Variants in FER1L5 observed in about 807,000 individuals in gnomAD.
The protein encoded by FER1L5 is fer-1 like family member 5, also known as fer-1-like protein 5.
In FER1L5, 187 loss-of-function variants were observed where a neutral mutation model predicts 279.9. The ratio of observed to expected loss-of-function variants is 0.67; its 90% CI spans 0.59 to 0.75. The LOEUF (loss-of-function observed/expected upper bound fraction) is 0.75. Ranked by LOEUF, FER1L5 falls within the 30% of genes least tolerant of loss-of-function variation. FER1L5 has a pLI of 0.00. For missense variants in FER1L5, 2,091 were observed against 2,594.4 expected (o/e 0.81, Z 4.21); for synonymous variants, 921 against 989.7 (o/e 0.93, Z 1.30).
rs1298288403 is a variant in FER1L5 at position 96,702,348 on chromosome 2, C to G, written c.5202C>G (p.Asp1734Glu). ...TCATCTGGAAGACTGCCAATGTGGACCTGGTGGATGACAATTTAAGTAGAG... is the reference window on the plus strand; with the variant it reads ...TCATCTGGAAGACTGCCAATGTGGAGCTGGTGGATGACAATTTAAGTAGAG... The part of the protein sequence containing the change: ...RCIIWKTANV[D>E]LVDDNLSREK... Residue 1734 changes from aspartate to glutamate, a missense_variant, in exon 47 of 53, where the codon GAC becomes GAG. By Grantham distance (45) the Asp-to-Glu change is conservative. Transcript: ENST00000624922. The surrounding 1 kb of genome is among the most constrained non-coding windows in gnomAD (Gnocchi z 4.0). 6.2e-7 allele frequency: 1 copy of G among 1,613,150 alleles called. No individual in the cohort carries two copies. Among genetic ancestry groups the G allele is most frequent in the Admixed American group, 1.7e-5 (1 of 59,928 alleles).
intron 7 of FER1L5, 183 bp from the exon 8 acceptor site, chr2:96,653,457 G>T (rs994082283): frequency 1.0e-5 from 6 of 601,046 alleles, no homozygotes; most frequent in African/African-American, 1.9e-5. Context: ...GAAAGTTTCA[G>T]ATTTTGGAGC....
chr2:96,669,928 A>G (rs1283023558), intron 17 of FER1L5, among the ~76,000 whole-genome samples, 191 bp from the exon 18 acceptor site: 1 of 152,140 alleles, frequency 6.6e-6, no homozygotes, highest in Admixed American at 6.5e-5. Context: ...CCCAGGGTGC[A>G]GAAGAGGGCT....
At chr2:96,672,844 G>A (rs1558877315) in intron 18 of FER1L5, among the ~76,000 whole-genome samples, 1 of 152,166 alleles carries the variant, frequency 6.6e-6, no homozygotes, top group South Asian at 2.1e-4. Flanking sequence ...CCAGCCACCT[G>A]ATTTCAGGAA....
At chr2:96,646,306 G>C (rs1439143021) in intron 1 of FER1L5, 95 bp from the exon 2 acceptor site, 1 of 1,401,514 alleles carries the variant, frequency 7.1e-7, no homozygotes, top group Middle Eastern at 1.8e-4. Flanking sequence ...CCGACTTGAA[G>C]TTTTCTTAGA....
At chr2:96,680,954 G>T (rs557610091) in intron 19 of FER1L5, among the ~76,000 whole-genome samples, 5 of 152,196 alleles carry the variant, frequency 3.3e-5, no homozygotes, top group African/African-American at 4.8e-5. Flanking sequence ...ATAGTTCACT[G>T]CAGCCTTGAA....
intron 9 of FER1L5, among the ~76,000 whole-genome samples, chr2:96,659,445 C>CTT (rs1558854756): frequency 3.4e-5 from 1 of 29,510 alleles, no homozygotes. Context: ...TTCTTTCTTT[C>CTT]TTTCTTTCTT....
rs879927980 is a variant in FER1L5 at position 96,670,139 on chromosome 2, G to T, written c.1383G>T (p.Arg461Ser). 1.3e-6 allele frequency: 2 copies of T among 1,551,638 alleles called. No homozygotes were observed. Among genetic ancestry groups the T allele is most frequent in the South Asian group, 2.4e-5 (2 of 84,054 alleles). ...CCTAGTGTATTCCCGACTCTGTTAGGGATGGTTTAGCTTATCGAGGCCGAG... is the reference window on the plus strand; with the variant it reads ...CCTAGTGTATTCCCGACTCTGTTAGTGATGGTTTAGCTTATCGAGGCCGAG... ...EEGACIPDSV[R>S]DGLAYRGRVF... The change falls in exon 18 of 53, where the codon AGG (arginine) becomes AGT (serine). Residue 461 changes from arginine to serine, a missense_variant. Physicochemically the swap from Arg to Ser is moderately radical, Grantham distance 110. Coordinates refer to ENST00000624922, the MANE Select transcript of FER1L5 (RefSeq NM_001293083.2).
intron 19 of FER1L5, among the ~76,000 whole-genome samples, chr2:96,677,324 T>C (rs925048922): frequency 1.3e-5 from 2 of 152,244 alleles, no homozygotes; most frequent in Non-Finnish European, 2.9e-5. Flanking sequence ...CAACTATTAA[T>C]CTACTTTTGT....
In FER1L5 at chr2:96,697,547, A is replaced by C. The variant is rs758102268; in HGVS notation, c.4105A>C (p.Lys1369Gln). 6.2e-7 allele frequency: 1 copy of C among 1,613,754 alleles called. No homozygotes were observed. The highest frequency in any genetic ancestry group is 1.1e-5 in the South Asian group (1 of 90,986). ...TCAGTTCCTAGGCTACCTCTACAGA[A>C]AGTTCTGGTTCAAGTCCAGTAAAGC... ...HQDFLGYLYR[K>Q]FWFKSSKAED... The change falls in exon 38 of 53, where the codon AAG becomes CAG. Residue 1369 changes from lysine (K) to glutamine (Q), a missense_variant. Coordinates refer to ENST00000624922, the MANE Select transcript of FER1L5 (RefSeq NM_001293083.2).
intron 6 of FER1L5, 54 bp downstream of exon 6, chr2:96,650,343 C>T (rs1358902329): frequency 2.1e-6 from 3 of 1,455,716 alleles, no homozygotes; most frequent in East Asian, 2.5e-5. Flanking sequence ...CTCTTGTTTG[C>T]TGTGTTCCCA....
chr2:96,673,255 G>A lies in FER1L5; in HGVS notation c.1669+1G>A. The A allele has an allele frequency of 3.9e-6, 6 of 1,547,298 alleles. No homozygotes were observed. The highest frequency in any genetic ancestry group is 2.4e-5 in the East Asian group (1 of 40,832). On this transcript the variant is annotated splice_donor_variant, in intron 19 of 52. Transcript: ENST00000624922. LOFTEE classifies it high-confidence loss of function. ...CCGTACAGCCCAGTGATATATGATG[G>A]TAATTGTCAGATTCAGGCAATAAGT...
At chr2:96,653,471 T>C (rs2075468181) in intron 7 of FER1L5, 169 bp from the exon 8 acceptor site, 6 of 621,280 alleles carry the variant, frequency 9.7e-6, no homozygotes, top group South Asian at 5.7e-5. Context: ...TTGGAGCATT[T>C]TTTATTTCAG....
At chr2:96,681,037 A>AATT (rs1463313197) in intron 19 of FER1L5, among the ~76,000 whole-genome samples, 2 of 152,188 alleles carry the variant, frequency 1.3e-5, no homozygotes, top group Non-Finnish European at 2.9e-5. Context: ...TTTAAAAAAT[A>AATT]ATTATTATTA....
chr2:96,682,781 T>C (rs1038788031), intron 19 of FER1L5, among the ~76,000 whole-genome samples: 3 of 152,200 alleles, frequency 2.0e-5, no homozygotes, highest in African/African-American at 4.8e-5. Context: ...TCATGGCTCA[T>C]TGTAGCCTCA....
At chr2:96,692,239 G>T in intron 31 of FER1L5, 58 bp downstream of exon 31, 1 of 1,534,990 alleles carries the variant, frequency 6.5e-7, no homozygotes, top group Non-Finnish European at 8.8e-7. Context: ...AGGAGAGCAG[G>T]GTTGTGTTCC....
At position 96,679,518 on chromosome 2, in the gene FER1L5, G is replaced by A. The variant is rs114253930; in HGVS notation, c.1670-4809G>A. On this transcript the variant is annotated intron_variant, in intron 19 of 52. Coordinates refer to ENST00000624922, the MANE Select transcript of FER1L5 (RefSeq NM_001293083.2). Reference sequence around the variant, plus strand: ...ATTACAGGCGTGAGCCACCGCACCCGGCCACACCTGTAGTTTTTACAGTTT... The same window carrying A: ...ATTACAGGCGTGAGCCACCGCACCCAGCCACACCTGTAGTTTTTACAGTTT... Among the ~76,000 whole-genome samples the A allele has an allele frequency of 4.7e-3, 710 of 152,208 alleles. 7 individuals are homozygous for A. The highest frequency in any genetic ancestry group is 0.016 in the African/African-American group (675 of 41,542).
intron 9 of FER1L5, among the ~76,000 whole-genome samples, chr2:96,659,364 T>C (rs2075785376): frequency 4.8e-5 from 1 of 20,708 alleles, no homozygotes; most frequent in African/African-American, 3.3e-4. Context: ...CTTCCTTCCT[T>C]CTTTCTTTCT....
rs1350149656 is a variant in FER1L5 at position 96,669,035 on chromosome 2, C to G, written c.1268-8C>G. On this transcript the variant is annotated splice_polypyrimidine_tract_variant and splice_region_variant and intron_variant, in intron 16 of 52. Coordinates refer to ENST00000624922, the MANE Select transcript of FER1L5 (RefSeq NM_001293083.2). ...GCGCCCGACCCTTCTCACTCTCTCTCCTTCCAGGAGTGTACTCCGGCTTCC... is the reference window on the plus strand; with the variant it reads ...GCGCCCGACCCTTCTCACTCTCTCTGCTTCCAGGAGTGTACTCCGGCTTCC... The G allele has an allele frequency of 6.4e-7, 1 of 1,551,704 alleles. No individual in the cohort carries two copies. The highest frequency in any genetic ancestry group is 1.2e-5 in the South Asian group (1 of 84,058).
At chr2:96,696,546 G>A (rs1469949094) in intron 37 of FER1L5, among the ~76,000 whole-genome samples, 2 of 151,842 alleles carry the variant, frequency 1.3e-5, no homozygotes, top group African/African-American at 2.4e-5. Context: ...CACCCGCCTC[G>A]GCCTCCCAAA....
Sources: gnomAD v4.1 joint callset for allele counts (sites outside exome capture counted in the v4.1 genomes callset) on GRCh38, gnomAD v4.1.1 for gene constraint, Gnocchi (gnomAD v3.1) non-coding constraint, MANE v1.5 for transcripts, NCBI Gene and HGNC (gene_info 2026-07-23, HGNC 2026-07-21) for gene names.